The following PIK3R1 variants were observed in gnomAD, a reference collection of about 807,000 sequenced individuals.
PIK3R1 encodes phosphoinositide-3-kinase regulatory subunit 1, also known as phosphatidylinositol 3-kinase regulatory subunit alpha.
PIK3R1 carries 29 observed loss-of-function variants against 98.0 expected under a neutral mutation model. That is an observed-to-expected ratio of 0.30 (90% CI 0.22 to 0.40). The LOEUF (loss-of-function observed/expected upper bound fraction) is 0.40. PIK3R1 is among the 10% of genes least tolerant of loss of function. PIK3R1 has a pLI of 1.00. For missense variants in PIK3R1, 596 were observed against 872.7 expected (o/e 0.68, Z 3.99); for synonymous variants, 282 against 311.8 (o/e 0.90, Z 1.01).
At chr5:68,262,939 A>G (rs1448181588) in intron 2 of PIK3R1, among the ~76,000 whole-genome samples, 7 of 41,002 alleles carry the variant, frequency 1.7e-4, no homozygotes, top group Non-Finnish European at 2.7e-4. Flanking sequence ...ATACATATAT[A>G]CATGTAGATA....
chr5:68,262,403 T>TATATATATATATAC (rs33968242), intron 2 of PIK3R1, among the ~76,000 whole-genome samples: 11 of 140,618 alleles, frequency 7.8e-5, no homozygotes, highest in African/African-American at 2.4e-4. Context: ...TATATATATA[T>TATATATATATATAC]ACACACACGC....
At chr5:68,240,367 T>G (rs1302528039) in intron 2 of PIK3R1, among the ~76,000 whole-genome samples, 1 of 152,244 alleles carries the variant, frequency 6.6e-6, no homozygotes, top group Non-Finnish European at 1.5e-5. Flanking sequence ...TCACTTGTGG[T>G]CTAATCTTCC....
At chr5:68,241,569 C>A (rs1744875281) in intron 2 of PIK3R1, among the ~76,000 whole-genome samples, 1 of 152,188 alleles carries the variant, frequency 6.6e-6, no homozygotes, top group South Asian at 2.1e-4. Flanking sequence ...TTGTTCCAGG[C>A]ACCATGTGCT....
chr5:68,218,988 A>G (rs907814558), intron 1 of PIK3R1, among the ~76,000 whole-genome samples: 2 of 152,172 alleles, frequency 1.3e-5, no homozygotes, highest in Non-Finnish European at 2.9e-5. Flanking sequence ...CCCTAATGTG[A>G]TTACTTGCCA....
Position 68,279,837 on chromosome 5 carries a change from A to G in PIK3R1, c.634+104A>G, listed in dbSNP as rs539371403. 7 of 1,116,036 alleles carry G rather than the reference A, an allele frequency of 6.3e-6. No homozygotes were observed. The African/African-American group carries it at 1.1e-4, about 17-fold the overall frequency. The allele number at this position is 1,116,036 out of a possible 1,614,324, so 69.1% of individuals were successfully genotyped here. A position where few individuals can be genotyped will look rare whatever the true frequency, so the allele number is the denominator to read the frequency against. On this transcript the variant is annotated intron_variant, in intron 5 of 15. Transcript: ENST00000521381. ...GAAATAGTGGTTAGAAAATAGTAGT[A>G]ATAACCTGTCCCTCCCCCAACAATA...
In PIK3R1 at chr5:68,216,719, G is replaced by C. The variant is rs77461521; in HGVS notation, c.-387+770G>C. Among the ~76,000 whole-genome samples, 117 of 152,324 alleles carry C rather than the reference G, an allele frequency of 7.7e-4. 2 individuals carry two copies. The East Asian group carries it at 0.018, about 23-fold the overall frequency. Reference sequence around the variant, plus strand: ...TATGGAGCCGGCTGGGGAGAGCCAGGGAGCCTGCAACCCGGAGCTAAAATA... The same window carrying C: ...TATGGAGCCGGCTGGGGAGAGCCAGCGAGCCTGCAACCCGGAGCTAAAATA... On this transcript the variant is annotated intron_variant, in intron 1 of 15. Coordinates refer to ENST00000521381, the MANE Select transcript of PIK3R1 (RefSeq NM_181523.3).
In PIK3R1 at chr5:68,301,364, ATATGTGTGTG is replaced by A. The variant is rs755380287; in HGVS notation, c.*3765_*3774del. 1,141 of 37,126 alleles carry A rather than the reference ATATGTGTGTG, an allele frequency of 0.031. 19 individuals carry two copies. Among genetic ancestry groups the A allele is most frequent in the African/African-American group, 0.054 (474 of 8,808 alleles). The allele number at this position is 37,126 out of a possible 1,614,324, so 2.3% of individuals were successfully genotyped here. On this transcript the variant is annotated 3_prime_UTR_variant, in exon 16 of 16. Coordinates refer to ENST00000521381, the MANE Select transcript of PIK3R1 (RefSeq NM_181523.3). ...CTGCTATATATATATATATATATATATATGTGTGTGTGTGTGTGTGTGTGTGTGTATATAT... is the reference window on the plus strand; with the variant it reads ...CTGCTATATATATATATATATATATATGTGTGTGTGTGTGTGTGTATATAT...
In PIK3R1 at chr5:68,262,548, AATG is replaced by A. The variant is rs1459476041; in HGVS notation, c.335-10841_335-10839del. On this transcript the variant is annotated intron_variant, in intron 2 of 15. Coordinates refer to ENST00000521381, the MANE Select transcript of PIK3R1 (RefSeq NM_181523.3). ...TACATAGCTATATAGATACATATCT[AATG>A]TATACATGTATACACATGTACCTAC... Among the ~76,000 whole-genome samples, 254 of 139,108 alleles carry A rather than the reference AATG, an allele frequency of 1.8e-3. 6 individuals are homozygous for A. Among genetic ancestry groups the A allele is most frequent in the African/African-American group, 5.6e-3 (202 of 36,014 alleles). The allele number at this position is 139,108 out of a possible 152,430, so 91.3% of individuals were successfully genotyped here.
At chr5:68,229,530 C>A (rs1389454360) in intron 2 of PIK3R1, among the ~76,000 whole-genome samples, 1 of 152,144 alleles carries the variant, frequency 6.6e-6, no homozygotes, top group Non-Finnish European at 1.5e-5. Context: ...CACCAACCCC[C>A]ACCCCAGGTC....
At chr5:68,255,145 T>C (rs1745460027) in intron 2 of PIK3R1, among the ~76,000 whole-genome samples, 1 of 152,246 alleles carries the variant, frequency 6.6e-6, no homozygotes, top group East Asian at 1.9e-4. Context: ...TGATGAAATT[T>C]AGCAGCATCT....
intron 2 of PIK3R1, among the ~76,000 whole-genome samples, chr5:68,263,181 A>G (rs188241242): frequency 6.2e-5 from 9 of 144,376 alleles, no homozygotes; most frequent in South Asian, 2.1e-4. Flanking sequence ...ATATCTATAT[A>G]TACATATATC....
At position 68,274,017 on chromosome 5, in the gene PIK3R1, A is replaced by G. The variant is rs771133166; in HGVS notation, c.502+4A>G. On this transcript the variant is annotated splice_donor_region_variant and intron_variant, in intron 4 of 15. Coordinates refer to ENST00000521381, the MANE Select transcript of PIK3R1 (RefSeq NM_181523.3). ...TTACGACAGCTTCTTGATTGTGGTG[A>G]GTGTCACAGAGCTAGAAATGCAAAT... The G allele has an allele frequency of 6.2e-7, 1 of 1,610,002 alleles. No individual in the cohort carries two copies. Among genetic ancestry groups the G allele is most frequent in the Admixed American group, 1.7e-5 (1 of 60,018 alleles).
At position 68,279,771 on chromosome 5, in the gene PIK3R1, C is replaced by G. The variant is rs752089129; in HGVS notation, c.634+38C>G. Reference sequence around the variant, plus strand: ...TCTTCTGGGAACCTCATTGAACATACATGGAGATGTAGAGGTGCTTGTATA... The same window carrying G: ...TCTTCTGGGAACCTCATTGAACATAGATGGAGATGTAGAGGTGCTTGTATA... On this transcript the variant is annotated intron_variant, in intron 5 of 15. Transcript: ENST00000521381. 10 of 1,602,332 alleles carry G rather than the reference C, an allele frequency of 6.2e-6. No homozygotes were observed. The Admixed American group carries it at 1.3e-4, about 21-fold the overall frequency.
rs144980948 is a variant in PIK3R1 at position 68,294,634 on chromosome 5, C to T, written c.1524C>T (p.Tyr508=). 1.9e-6 allele frequency: 3 copies of T among 1,609,242 alleles called. No homozygotes were observed. In the African/African-American group the frequency reaches 4.0e-5, roughly 22 times the overall value. The part of the protein sequence containing the change: ...CQTQERYSKE[Y]IEKFKREGNE... ...CCCAAGAGCGGTACAGCAAAGAATA[C>T]ATAGAAAAGTTTAAACGTGAAGGCA... is the stretch of plus-strand genomic sequence containing the variant. The change falls in exon 12 of 16, where the codon TAC becomes TAT. Residue 508 remains tyrosine, a synonymous_variant. Coordinates refer to ENST00000521381, the MANE Select transcript of PIK3R1 (RefSeq NM_181523.3).
intron 2 of PIK3R1, among the ~76,000 whole-genome samples, chr5:68,272,356 TTTAG>T (rs1746399241): frequency 6.6e-6 from 1 of 152,094 alleles, no homozygotes; most frequent in Non-Finnish European, 1.5e-5. Flanking sequence ...ATTGCAAATA[TTTAG>T]TCTTTCTCAG....
At chr5:68,217,257 G>A (rs1265952045) in intron 1 of PIK3R1, among the ~76,000 whole-genome samples, 1 of 152,120 alleles carries the variant, frequency 6.6e-6, no homozygotes, top group South Asian at 2.1e-4. Context: ...GGCTTGATGT[G>A]GAGTTATATT....
chr5:68,232,472 G>A (rs2063601241), intron 2 of PIK3R1, among the ~76,000 whole-genome samples: 2 of 152,200 alleles, frequency 1.3e-5, no homozygotes, highest in Non-Finnish European at 2.9e-5. Flanking sequence ...TGAGGGGCCT[G>A]TGAGTAGGGA....
intron 7 of PIK3R1, among the ~76,000 whole-genome samples, chr5:68,283,341 A>T (rs1289032258): frequency 1.3e-5 from 2 of 152,216 alleles, no homozygotes; most frequent in Non-Finnish European, 2.9e-5. Flanking sequence ...GCAAAGTATC[A>T]GTTCAAATAA....
rs1490558461 is a variant in PIK3R1, at chr5:68,287,490, G to A, written c.917-4769G>A. ...ATGGCATGCAGGAATTGATTGAAGT[G>A]AACTCTAAATTACTTTCTGGTGTAA... is the stretch of plus-strand genomic sequence containing the variant. On this transcript the variant is annotated intron_variant, in intron 7 of 15. Transcript: ENST00000521381. Among the ~76,000 whole-genome samples the A allele has an allele frequency of 2.0e-5, 3 of 152,318 alleles. No homozygotes were observed. In the East Asian group the frequency reaches 5.8e-4, roughly 29 times the overall value.
Sources: allele counts gnomAD v4.1 joint callset (sites outside exome capture counted in the v4.1 genomes callset), GRCh38; gene constraint gnomAD v4.1.1; transcripts MANE v1.5; gene names NCBI Gene and HGNC (gene_info 2026-07-23, HGNC 2026-07-21).